PRAME: variants seen among roughly 807,000 people sequenced by gnomAD.
The protein encoded by PRAME is melanoma antigen preferentially expressed in tumors.
In PRAME, 21 loss-of-function variants were observed where a neutral mutation model predicts 32.1. The ratio of observed to expected loss-of-function variants is 0.65; its 90% CI spans 0.46 to 0.94. The LOEUF (loss-of-function observed/expected upper bound fraction) is 0.94, where lower values mean the gene tolerates loss of function less well. PRAME is among the 40% of genes least tolerant of loss of function. The pLI is 0.00. For synonymous variants in PRAME, 274 were observed against 251.5 expected, an observed-to-expected ratio of 1.09 and a Z score of -0.85; for missense variants, 651 against 622.3, an observed-to-expected ratio of 1.05 and a Z score of -0.49.
chr22:22,549,776 G>A lies in PRAME; in HGVS notation c.903C>T (p.Leu301=). 6.2e-7 allele frequency: 1 copy of A among 1,613,500 alleles called. No homozygotes were observed. Among genetic ancestry groups the A allele is most frequent in the Non-Finnish European group, 8.5e-7 (1 of 1,179,860 alleles). ...QFLSLQCLQA[L]YVDSLFFLRG... is the part of the protein sequence containing the mutation. ...TAAGGAAAAATAAAGAGTCCACATA[G>A]AGAGCCTGCAGGCACTGCAGACTGA... Residue 301 remains leucine (L), a synonymous_variant, in exon 5 of 6, where the codon CTC becomes CTT. Coordinates refer to ENST00000405655, the MANE Select transcript of PRAME (RefSeq NM_206956.3).
chr22:22,554,321 C>G, intron 3 of PRAME: 22 of 878,612 alleles, frequency 2.5e-5, no homozygotes, highest in Non-Finnish European at 2.9e-5. Flanking sequence ...TTTACTGTGG[C>G]CTGCGTAAGG....
At chr22:22,555,125 T>C (rs561157576) in intron 3 of PRAME, among the ~76,000 whole-genome samples, 1 of 152,118 alleles carries the variant, frequency 6.6e-6, no homozygotes, top group South Asian at 2.1e-4. Flanking sequence ...GAGATATTTC[T>C]GCATGTCCTG....
chr22:22,556,577 C>A (rs1417752840), intron 3 of PRAME, among the ~76,000 whole-genome samples: 1 of 151,870 alleles, frequency 6.6e-6, no homozygotes, highest in Admixed American at 6.6e-5. Flanking sequence ...TCCCAAAGTG[C>A]TGGGATTACA....
intron 3 of PRAME, chr22:22,555,943 G>A (rs1461875590): frequency 2.4e-5 from 11 of 466,596 alleles, no homozygotes; most frequent in Admixed American, 1.7e-4. Flanking sequence ...CCCGGGGAAA[G>A]GTTCTGAATG....
In PRAME at chr22:22,547,933, T is replaced by C. The variant is rs906954205; in HGVS notation, c.*134A>G. ...GAACATTTGTCTGAATGTTTTTTCC[T>C]CACTGAACATGTTTTCCTCACTCAC... On this transcript the variant is annotated 3_prime_UTR_variant, in exon 6 of 6. Transcript: ENST00000405655. 2.0e-6 allele frequency: 2 copies of C among 1,008,616 alleles called. No homozygotes were observed. The highest frequency in any genetic ancestry group is 3.2e-5 in the African/African-American group (2 of 62,130). 62.5% of individuals were successfully genotyped at this position (1,008,616 alleles called of 1,614,324 possible).
At position 22,549,813 on chromosome 22, in the gene PRAME, G is replaced by A. The variant is rs1335037747; in HGVS notation, c.866C>T (p.Thr289Ile). 8 of 1,613,858 alleles carry A rather than the reference G, an allele frequency of 5.0e-6. No individual in the cohort carries two copies. The highest frequency in any genetic ancestry group is 6.8e-6 in the Non-Finnish European group (8 of 1,179,954). The stretch of plus-strand genomic sequence containing the variant: ...GCACTGCAGACTGAGGAACTGAGAG[G>A]TGAACTGGGCGATATACTGCTCTTC... ...EKEEQYIAQF[T>I]SQFLSLQCLQ... The change falls in exon 5 of 6, where the codon ACC (threonine) becomes ATC (isoleucine). Residue 289 changes from threonine to isoleucine, a missense_variant. Coordinates refer to ENST00000405655, the MANE Select transcript of PRAME (RefSeq NM_206956.3).
chr22:22,555,191 C>T (rs932179830), intron 3 of PRAME, among the ~76,000 whole-genome samples: 2 of 152,096 alleles, frequency 1.3e-5, no homozygotes, highest in Middle Eastern at 3.5e-3. Flanking sequence ...CCTCTGAGCT[C>T]ATCAGGTGGG....
At chr22:22,556,764 G>A in intron 3 of PRAME, 48 bp downstream of exon 3, 1 of 1,610,306 alleles carries the variant, frequency 6.2e-7, no homozygotes, top group Non-Finnish European at 8.5e-7. Flanking sequence ...GGACAGAGGG[G>A]AACAGGGCTT....
rs772332993 is a variant in PRAME, at chr22:22,556,778, T to C, written c.21+34A>G. On this transcript the variant is annotated intron_variant, in intron 3 of 5. Coordinates refer to ENST00000405655, the MANE Select transcript of PRAME (RefSeq NM_206956.3). ...AGGACAGAGGGGAACAGGGCTTCTC[T>C]GAGCACCTCAGACAGCTCAGGGGAC... is the stretch of plus-strand genomic sequence containing the variant. The C allele has an allele frequency of 8.7e-6, 14 of 1,612,298 alleles. 1 individual carries two copies. In the South Asian group the frequency reaches 1.3e-4, roughly 15 times the overall value.
chr22:22,554,358 TC>T (rs1230603670), intron 3 of PRAME: 1 of 666,812 alleles, frequency 1.5e-6, no homozygotes, highest in Non-Finnish European at 1.9e-6. Flanking sequence ...AAGGATGTTT[TC>T]CATTTTGGTT....
intron 3 of PRAME, among the ~76,000 whole-genome samples, chr22:22,552,391 T>C (rs1470697656): frequency 9.3e-6 from 1 of 107,088 alleles, no homozygotes; most frequent in Non-Finnish European, 1.8e-5. Flanking sequence ...TCAAAGTAGA[T>C]GTCTTTTATT....
chr22:22,557,004 G>A, intron 2 of PRAME, 95 bp from the exon 3 acceptor site: 2 of 747,614 alleles, frequency 2.7e-6, no homozygotes, highest in Non-Finnish European at 2.2e-6. Flanking sequence ...AAATACTGCT[G>A]AGGAAACTGA....
At chr22:22,558,632 TG>T (rs1437282010) in intron 1 of PRAME, among the ~76,000 whole-genome samples, 2 of 24,398 alleles carry the variant, frequency 8.2e-5, no homozygotes, top group Non-Finnish European at 1.4e-4. Context: ...GACAGTAGGG[TG>T]GGGGCAGGGT....
intron 3 of PRAME, chr22:22,555,830 A>C: frequency 2.1e-6 from 1 of 468,356 alleles, no homozygotes; most frequent in South Asian, 1.6e-5. Flanking sequence ...CAGGACCGAC[A>C]CTTACCCCTA....
intron 3 of PRAME, among the ~76,000 whole-genome samples, chr22:22,556,096 C>T (rs1014710442): frequency 2.0e-5 from 3 of 151,606 alleles, no homozygotes; most frequent in African/African-American, 4.8e-5. Flanking sequence ...TGGGTTCAAG[C>T]GATTCTCCTG....
Position 22,548,523 on chromosome 22 carries a change from C to A in PRAME, c.1074G>T (p.Gly358=). The change falls in exon 6 of 6, where the codon GGG becomes GGT. Residue 358 remains glycine, a synonymous_variant. Transcript: ENST00000405655. ...CGGGACTTACATCGGTCAGCATGAC[C>A]CCACTTAGACTCAGGACACTTAGCT... ...VSQLSVLSLS[G]VMLTDVSPEP... 1.2e-6 allele frequency: 2 copies of A among 1,613,634 alleles called. No individual in the cohort carries two copies. Among genetic ancestry groups the A allele is most frequent in the Non-Finnish European group, 1.7e-6 (2 of 1,179,942 alleles).
At chr22:22,551,682 G>T (rs2062583667) in intron 3 of PRAME, among the ~76,000 whole-genome samples, 1 of 151,158 alleles carries the variant, frequency 6.6e-6, no homozygotes, top group South Asian at 2.1e-4. Context: ...TCTCTTTTAC[G>T]TATATTAAGA....
Position 22,550,112 on chromosome 22 carries a change from A to G in PRAME, c.567T>C (p.Asp189=), listed in dbSNP as rs1286454316. The G allele has an allele frequency of 1.9e-6, 3 of 1,613,816 alleles. No individual in the cohort carries two copies. The highest frequency in any genetic ancestry group is 1.3e-5 in the African/African-American group (1 of 74,878). The change falls in exon 5 of 6, where the codon GAT becomes GAC. Residue 189 remains aspartate, a synonymous_variant. Coordinates refer to ENST00000405655, the MANE Select transcript of PRAME (RefSeq NM_206956.3). ...VDLFLKEGAC[D]ELFSYLIEKV... ...TCTCAATGAGGTAGGAGAACAATTC[A>G]TCACAGGCACCTTCCTTGAGGAACA... is the stretch of plus-strand genomic sequence containing the variant.
At chr22:22,554,089 T>G (rs993727673) in intron 3 of PRAME, 21 of 928,866 alleles carry the variant, frequency 2.3e-5, no homozygotes, top group Non-Finnish European at 2.6e-5. Flanking sequence ...CACAAATACA[T>G]TTTCCGTCAC....
Sources: gnomAD v4.1 joint callset for allele counts (sites outside exome capture counted in the v4.1 genomes callset) on GRCh38, gnomAD v4.1.1 for gene constraint, MANE v1.5 for transcripts, NCBI Gene and HGNC (gene_info 2026-07-23, HGNC 2026-07-21) for gene names.